LGSN: variants seen among roughly 807,000 people sequenced by gnomAD.
LGSN encodes the protein lengsin.
In LGSN, 21 loss-of-function variants were observed where a neutral mutation model predicts 19.5. The observed-to-expected ratio is 1.07, with a 90% confidence interval of 0.76 to 1.55. The LOEUF (loss-of-function observed/expected upper bound fraction) is 1.55, where lower values mean the gene tolerates loss of function less well. LGSN is among the 40% of genes most tolerant of loss of function. The pLI, the probability that LGSN is intolerant of heterozygous loss-of-function variation, is 0.00. For synonymous variants in LGSN, 257 were observed against 215.6 expected (o/e 1.19, Z -1.68); for missense variants, 673 against 608.5 (o/e 1.11, Z -1.12).
chr6:63,495,755 GA>G, the LGSN span, among the ~76,000 whole-genome samples: 2 of 151,694 alleles, frequency 1.3e-5, no homozygotes, highest in Non-Finnish European at 2.9e-5. Context: ...TGGTCTCAAA[GA>G]TACTTAAATC....
intron 1 of LGSN, among the ~76,000 whole-genome samples, chr6:63,315,730 T>A (rs973665543): frequency 6.6e-6 from 1 of 151,388 alleles, no homozygotes; most frequent in Admixed American, 6.6e-5. Flanking sequence ...GAGGATCTGA[T>A]AAATGCAGCA....
chr6:63,434,306 G>C, the LGSN span, among the ~76,000 whole-genome samples: 5 of 151,264 alleles, frequency 3.3e-5, no homozygotes, highest in East Asian at 2.0e-4. Context: ...CAGACATGGT[G>C]GTGGGCGCCT....
At chr6:63,357,844 C>T in the LGSN span, among the ~76,000 whole-genome samples, 1 of 152,004 alleles carries the variant, frequency 6.6e-6, no homozygotes, top group African/African-American at 2.4e-5. Flanking sequence ...TAATTAGATC[C>T]CATTTGTTAA....
the LGSN span, among the ~76,000 whole-genome samples, chr6:63,368,745 C>A: frequency 6.6e-6 from 1 of 152,124 alleles, no homozygotes; most frequent in Admixed American, 6.5e-5. Flanking sequence ...TTAATGAAGA[C>A]AAAGATTTTT....
the LGSN span, among the ~76,000 whole-genome samples, chr6:63,485,050 C>A: frequency 0.54 from 80,982 of 151,016 alleles, 23,441 homozygotes; most frequent in African/African-American, 0.77. Context: ...TTTTTTTTTA[C>A]CTTTTAAGTT....
chr6:63,393,962 G>A, the LGSN span, among the ~76,000 whole-genome samples: 3 of 152,122 alleles, frequency 2.0e-5, no homozygotes, highest in Non-Finnish European at 4.4e-5. Flanking sequence ...AGGTCACAAA[G>A]GCTTTGCTAA....
At chr6:63,495,437 T>G in the LGSN span, among the ~76,000 whole-genome samples, 1 of 143,786 alleles carries the variant, frequency 7.0e-6, no homozygotes, top group Non-Finnish European at 1.5e-5. Context: ...ACTTAAATCT[T>G]CTTTCTTTTT....
the LGSN span, among the ~76,000 whole-genome samples, chr6:63,520,122 A>G: frequency 2.0e-5 from 3 of 152,236 alleles, no homozygotes; most frequent in Admixed American, 2.0e-4. Context: ...GATCTCTTGC[A>G]TATTACACAC....
chr6:63,393,032 G>A, the LGSN span, among the ~76,000 whole-genome samples: 5 of 151,136 alleles, frequency 3.3e-5, no homozygotes, highest in Non-Finnish European at 7.4e-5. Flanking sequence ...GACTACAGGC[G>A]CCCACCACCA....
chr6:63,380,847 T>G, the LGSN span, among the ~76,000 whole-genome samples: 1 of 152,164 alleles, frequency 6.6e-6, no homozygotes, highest in African/African-American at 2.4e-5. Flanking sequence ...TGATCTCAAT[T>G]TGCAGAAAGA....
the LGSN span, among the ~76,000 whole-genome samples, chr6:63,514,586 CA>C: frequency 2.6e-5 from 4 of 152,326 alleles, no homozygotes; most frequent in East Asian, 3.9e-4. Flanking sequence ...TAAGTTGTCA[CA>C]ACAATGAAAT....
the LGSN span, chr6:63,548,592 T>C: frequency 6.5e-6 from 2 of 306,448 alleles, no homozygotes; most frequent in African/African-American, 2.2e-5. Context: ...GGGTACATGG[T>C]AGAAATTCAG....
chr6:63,323,188 A>T (rs1244585790), upstream of LGSN, among the ~76,000 whole-genome samples: 2 of 152,188 alleles, frequency 1.3e-5, no homozygotes, highest in Non-Finnish European at 2.9e-5. Flanking sequence ...ATAATAAGTT[A>T]AAAATTATTC....
chr6:63,466,829 T>G, the LGSN span, among the ~76,000 whole-genome samples: 1 of 152,124 alleles, frequency 6.6e-6, no homozygotes, highest in Admixed American at 6.6e-5. Flanking sequence ...ATGTAAAGTA[T>G]GAGATGTCTA....
the LGSN span, among the ~76,000 whole-genome samples, chr6:63,437,866 G>T: frequency 6.6e-6 from 1 of 152,114 alleles, no homozygotes; most frequent in Non-Finnish European, 1.5e-5. Flanking sequence ...GGAGGCGGAG[G>T]TTGCAGTGAG....
At chr6:63,406,756 A>T in the LGSN span, among the ~76,000 whole-genome samples, 1 of 151,950 alleles carries the variant, frequency 6.6e-6, no homozygotes, top group African/African-American at 2.4e-5. Flanking sequence ...TTTTGAAAGG[A>T]TCAACAAAAT....
At chr6:63,543,873 C>T in the LGSN span, among the ~76,000 whole-genome samples, 1 of 152,316 alleles carries the variant, frequency 6.6e-6, no homozygotes, top group East Asian at 1.9e-4. Flanking sequence ...TCATTTTACT[C>T]TTCGTGTTTA....
chr6:63,343,453 T>C, the LGSN span, among the ~76,000 whole-genome samples: 1 of 152,214 alleles, frequency 6.6e-6, no homozygotes, highest in Non-Finnish European at 1.5e-5. Flanking sequence ...TTTCAACTTA[T>C]AAATAAGCAG....
At chr6:63,426,502 G>GATTTATTTATTTATTT in the LGSN span, among the ~76,000 whole-genome samples, 382 of 151,858 alleles carry the variant, frequency 2.5e-3, 1 homozygote, top group African/African-American at 8.9e-3. Context: ...AAGTTATTTA[G>GATTTATTTATTTATTT]ATTTATTTAT....
Sources: gnomAD v4.1 joint callset for allele counts (sites outside exome capture counted in the v4.1 genomes callset) on GRCh38, gnomAD v4.1.1 for gene constraint, MANE v1.5 for transcripts, NCBI Gene and HGNC (gene_info 2026-07-23, HGNC 2026-07-21) for gene names.